The following CHD4 variants were observed in gnomAD, a reference collection of about 807,000 sequenced individuals.
The protein encoded by CHD4 is ATP-dependent chromatin remodeler CHD4.
Under a neutral mutation model 235.5 loss-of-function variants are expected in CHD4, and 35 were observed. The ratio of observed to expected loss-of-function variants is 0.15; its 90% CI spans 0.11 to 0.20. The LOEUF is 0.20. Ranked by LOEUF, CHD4 falls within the 10% of genes least tolerant of loss-of-function variation. CHD4 has a pLI of 1.00. For missense variants in CHD4, 1,329 were observed against 2,432.3 expected, an observed-to-expected ratio of 0.55 and a Z score of 9.54; for synonymous variants, 900 against 850.2, an observed-to-expected ratio of 1.06 and a Z score of -1.02.
Position 6,573,045 on chromosome 12 carries a change from C to T in CHD4, c.5557+29G>A, listed in dbSNP as rs759267211. 100 of 1,580,282 alleles carry T rather than the reference C, an allele frequency of 6.3e-5. 3 individuals are homozygous for T. In the South Asian group the frequency reaches 1.0e-3, roughly 16 times the overall value. On this transcript the variant is annotated intron_variant, in intron 38 of 39. Transcript: ENST00000544040. ...TGCAGTCAGATCAGGGAGGCCGAATCGGCAGGAGGCAGGGGAGCCACTGGC... is the reference window on the plus strand; with the variant it reads ...TGCAGTCAGATCAGGGAGGCCGAATTGGCAGGAGGCAGGGGAGCCACTGGC...
At position 6,587,447 on chromosome 12, in the gene CHD4, G is replaced by T; in HGVS notation, c.3816C>A (p.Gly1272=). 1 of 1,614,148 alleles carries T rather than the reference G, an allele frequency of 6.2e-7. No individual in the cohort carries two copies. Among genetic ancestry groups the T allele is most frequent in the South Asian group, 1.1e-5 (1 of 91,090 alleles). Residue 1272 remains glycine, a synonymous_variant, in exon 25 of 40, where the codon GGC becomes GGA. Transcript: ENST00000544040. Reference sequence around the variant, plus strand: ...TGAATGAGCTCAAATATTCATTCATGCCCTGCAATTCTGTGTCTTCAGTCT... The same window carrying T: ...TGAATGAGCTCAAATATTCATTCATTCCCTGCAATTCTGTGTCTTCAGTCT... ...QDETEDTELQ[G]MNEYLSSFKV...
At chr12:6,606,155 C>G in intron 2 of CHD4, 119 bp downstream of exon 2, 1 of 679,088 alleles carries the variant, frequency 1.5e-6, no homozygotes, top group South Asian at 2.0e-5. Context: ...TTCGGATACC[C>G]TCCACCTCCG....
intron 4 of CHD4, 59 bp from the exon 5 acceptor site, chr12:6,601,825 A>G: frequency 1.3e-6 from 2 of 1,572,762 alleles, no homozygotes; most frequent in Admixed American, 3.3e-5. Context: ...CTTGCTAAGC[A>G]AATTTGTGTG....
chr12:6,578,193 T>G lies in CHD4; in HGVS notation c.5120-56A>C. 5 of 1,480,166 alleles carry G rather than the reference T, an allele frequency of 3.4e-6. No homozygotes were observed. The South Asian group carries it at 4.5e-5, about 13-fold the overall frequency. The allele number at this position is 1,480,166 out of a possible 1,614,324, so 91.7% of individuals were successfully genotyped here. A position where few individuals can be genotyped will look rare whatever the true frequency, so the allele number is the denominator to read the frequency against. The stretch of plus-strand genomic sequence containing the variant: ...GGGGGGAAGCAAACATCTGTGAGAA[T>G]TGAAAAAGCTACTTATTCTTGTCCC... On this transcript the variant is annotated intron_variant, in intron 35 of 39. Coordinates refer to ENST00000544040, the MANE Select transcript of CHD4 (RefSeq NM_001273.5).
chr12:6,583,607 G>A, intron 25 of CHD4: 3 of 475,106 alleles, frequency 6.3e-6, no homozygotes, highest in Non-Finnish European at 1.1e-5. Context: ...ACATGGGATA[G>A]AGCTATTATC....
intron 12 of CHD4, among the ~76,000 whole-genome samples, chr12:6,597,456 A>G (rs184695730): frequency 1.9e-4 from 28 of 150,028 alleles, no homozygotes; most frequent in African/African-American, 6.9e-4. Context: ...ACACAGCTAA[A>G]ATTTGTCTCA....
At chr12:6,599,497 T>C (rs1164954123) in intron 10 of CHD4, among the ~76,000 whole-genome samples, 1 of 152,152 alleles carries the variant, frequency 6.6e-6, no homozygotes, top group East Asian at 1.9e-4. Flanking sequence ...ACCAAGACCC[T>C]GAGGCAGGGT....
At chr12:6,583,503 C>G in intron 25 of CHD4, 125 bp from the exon 26 acceptor site, 2 of 783,618 alleles carry the variant, frequency 2.6e-6, no homozygotes, top group South Asian at 1.9e-5. Context: ...CTTGGTGTGC[C>G]TGTTTGGACC....
intron 33 of CHD4, 21 bp from the exon 34 acceptor site, chr12:6,578,938 G>T: frequency 6.2e-7 from 1 of 1,607,208 alleles, no homozygotes; most frequent in South Asian, 1.1e-5. Flanking sequence ...AAATGTTATT[G>T]AGACTATACC....
Position 6,581,088 on chromosome 12 carries a change from T to G in CHD4, c.4865A>C (p.Glu1622Ala), listed in dbSNP as rs1260747143. Residue 1622 changes from glutamate (E) to alanine (A), a missense_variant, in exon 33 of 40, where the codon GAG becomes GCG. Around this residue, in one of 26 missense-constraint regions of CHD4, gnomAD observed 219 missense variants for 219.3 expected, o/e 1.00. Coordinates refer to ENST00000544040, the MANE Select transcript of CHD4 (RefSeq NM_001273.5). ...AGGTTCCTCTGTTCTCTCCTTCACC[T>G]CTGCCTTTTCCACTTTCTCCTCTCC... is the stretch of plus-strand genomic sequence containing the variant. The part of the protein sequence containing the change: ...PEGEEKVEKA[E>A]VKERTEEPME... 2.5e-6 allele frequency: 4 copies of G among 1,614,050 alleles called. No homozygotes were observed. The Admixed American group carries it at 6.7e-5, about 27-fold the overall frequency.
chr12:6,605,817 CAGAT>C lies in CHD4; in HGVS notation c.100+453_100+456del, dbSNP rs764323007. Among the ~76,000 whole-genome samples, 9 of 152,322 alleles carry C rather than the reference CAGAT, an allele frequency of 5.9e-5. No homozygotes were observed. The East Asian group carries it at 1.2e-3, about 20-fold the overall frequency. On this transcript the variant is annotated intron_variant, in intron 2 of 39. Transcript: ENST00000544040. The stretch of plus-strand genomic sequence containing the variant: ...TAACCGATCAGAAGCTAAAAATAAT[CAGAT>C]AGAGTGTAACCAGCACTCCCTCTTT...
chr12:6,600,734 G>C, intron 7 of CHD4, 65 bp from the exon 8 acceptor site: 3 of 1,589,090 alleles, frequency 1.9e-6, no homozygotes, highest in Admixed American at 3.5e-5. Context: ...GTGGCAGAGA[G>C]GGGAGTACTC....
Position 6,595,436 on chromosome 12 carries a change from G to A in CHD4, c.2025-6C>T, listed in dbSNP as rs996136945. On this transcript the variant is annotated splice_region_variant and splice_polypyrimidine_tract_variant and intron_variant, in intron 13 of 39. Coordinates refer to ENST00000544040, the MANE Select transcript of CHD4 (RefSeq NM_001273.5). ...CCTCACCCCTCATTAACTCCCTAAA[G>A]AAGAAAGACATCACACAGCTGCCCA... The A allele has an allele frequency of 6.2e-7, 1 of 1,612,774 alleles. No individual in the cohort carries two copies. The highest frequency in any genetic ancestry group is 8.5e-7 in the Non-Finnish European group (1 of 1,179,090).
At chr12:6,598,162 C>A in intron 11 of CHD4, 60 bp downstream of exon 11, 4 of 1,610,750 alleles carry the variant, frequency 2.5e-6, no homozygotes, top group Non-Finnish European at 3.4e-6. Flanking sequence ...ATCCACAAGG[C>A]TCTTTTGTCA....
rs1173104505 is a variant in CHD4, at chr12:6,587,304, T to TC, written c.3879+79_3879+80insG. ...AATTTGCCTACAGATATTTTCCACTTGTCTCAAATACCACCTTGGTCTCAA... is the reference window on the plus strand; with the variant it reads ...AATTTGCCTACAGATATTTTCCACTTCGTCTCAAATACCACCTTGGTCTCAA... On this transcript the variant is annotated intron_variant, in intron 25 of 39. Coordinates refer to ENST00000544040, the MANE Select transcript of CHD4 (RefSeq NM_001273.5). 4 of 1,433,070 alleles carry TC rather than the reference T, an allele frequency of 2.8e-6. No individual in the cohort carries two copies. In the East Asian group the frequency reaches 9.2e-5, roughly 33 times the overall value. 88.8% of individuals were successfully genotyped at this position (1,433,070 alleles called of 1,614,324 possible).
At chr12:6,597,026 T>C (rs934063824) in intron 12 of CHD4, among the ~76,000 whole-genome samples, 2 of 150,288 alleles carry the variant, frequency 1.3e-5, no homozygotes, top group Admixed American at 1.3e-4. Context: ...TCCCAGCACT[T>C]TGGAAGGAGG....
chr12:6,603,805 G>A (rs1312598426), intron 2 of CHD4, among the ~76,000 whole-genome samples: 1 of 152,138 alleles, frequency 6.6e-6, no homozygotes. Flanking sequence ...CAGTGGACTT[G>A]TGGTCAGCGC....
Position 6,573,083 on chromosome 12 carries a change from G to A in CHD4, c.5548C>T (p.Leu1850=). Residue 1850 remains leucine (L), a synonymous_variant, in exon 38 of 40, where the codon CTG becomes TTG. Transcript: ENST00000544040. ...GGGAGCCACTGGCTACCTTTGTGCA[G>A]GACTGCATTGGCTGGCTTGTTTCCT... The part of the protein sequence containing the change: ...MAGNKPANAV[L]HKVLKQLEEL... The A allele has an allele frequency of 6.2e-7, 1 of 1,607,392 alleles. No homozygotes were observed.
At chr12:6,585,293 T>C (rs985001748) in intron 25 of CHD4, among the ~76,000 whole-genome samples, 1 of 152,032 alleles carries the variant, frequency 6.6e-6, no homozygotes, top group Admixed American at 6.5e-5. Flanking sequence ...ATACCGATTC[T>C]AATCTTTTTG....
Sources: allele counts gnomAD v4.1 joint callset (sites outside exome capture counted in the v4.1 genomes callset), GRCh38; gene constraint gnomAD v4.1.1; regional missense constraint gnomAD v4.1.1; transcripts MANE v1.5; gene names NCBI Gene and HGNC (gene_info 2026-07-23, HGNC 2026-07-21).